LARP4B: variants seen among roughly 807,000 people sequenced by gnomAD.
LARP4B encodes la-related protein 4B.
LARP4B carries 12 observed loss-of-function variants against 89.8 expected under a neutral mutation model. That is an observed-to-expected ratio of 0.13 (90% CI 0.09 to 0.22). The LOEUF (loss-of-function observed/expected upper bound fraction) is 0.22, where lower values mean the gene tolerates loss of function less well. LARP4B is among the 10% of genes least tolerant of loss of function. The pLI is 1.00. For missense variants in LARP4B, 757 were observed against 947.7 expected, an observed-to-expected ratio of 0.80 and a Z score of 2.64; for synonymous variants, 367 against 363.3, an observed-to-expected ratio of 1.01 and a Z score of -0.12.
At chr10:844,847 C>A in intron 6 of LARP4B, 130 bp downstream of exon 6, 1 of 577,718 alleles carries the variant, frequency 1.7e-6, no homozygotes, top group South Asian at 2.9e-5. Context: ...ACTCAATATT[C>A]CACGTCTTCA....
chr10:908,480 C>T (rs988860423), intron 1 of LARP4B, among the ~76,000 whole-genome samples: 1 of 152,194 alleles, frequency 6.6e-6, no homozygotes, highest in Non-Finnish European at 1.5e-5. Flanking sequence ...GGGTAAACAA[C>T]CTGTGGCGTG....
chr10:962,298 CAAAAAAAAAA>C, the LARP4B span, among the ~76,000 whole-genome samples: 10 of 60,636 alleles, frequency 1.6e-4, no homozygotes, highest in Admixed American at 1.9e-3. Flanking sequence ...ACTCCATCTC[CAAAAAAAAAA>C]AAAAAAAAAA....
intron 8 of LARP4B, among the ~76,000 whole-genome samples, chr10:833,340 T>C (rs924141788): frequency 3.6e-5 from 5 of 139,508 alleles, no homozygotes; most frequent in African/African-American, 1.3e-4. Context: ...TACAAAGCCG[T>C]CCTGGGCGGC....
At chr10:851,841 G>T (rs905870049) in intron 5 of LARP4B, among the ~76,000 whole-genome samples, 1 of 152,150 alleles carries the variant, frequency 6.6e-6, no homozygotes, top group African/African-American at 2.4e-5. Context: ...GAGGTGAGCG[G>T]ATCGCTTGAG....
the LARP4B span, among the ~76,000 whole-genome samples, chr10:936,924 C>G: frequency 6.6e-6 from 1 of 152,020 alleles, no homozygotes; most frequent in Non-Finnish European, 1.5e-5. Context: ...AACGCATGAG[C>G]TTTTACAGAT....
In LARP4B at chr10:829,406, G is replaced by C; in HGVS notation, c.1104C>G (p.His368Gln). The change falls in exon 11 of 18, where the codon CAC becomes CAG. Residue 368 changes from histidine to glutamine, a missense_variant. This residue lies in a region of LARP4B where 137 missense variants were observed against 213.9 expected (regional missense o/e 0.64). Coordinates refer to ENST00000316157, the MANE Select transcript of LARP4B (RefSeq NM_015155.3). ...LITPQTWSAT[H>Q]SYLDPPLVTP... ...GTACCAAGGGTGGGTCAAGATAGCTGTGCGTTGCTGACCACGTCTGGGGAG... is the reference window on the plus strand; with the variant it reads ...GTACCAAGGGTGGGTCAAGATAGCTCTGCGTTGCTGACCACGTCTGGGGAG... The C allele has an allele frequency of 3.7e-6, 6 of 1,608,884 alleles. No individual in the cohort carries two copies. Among genetic ancestry groups the C allele is most frequent in the Non-Finnish European group, 5.1e-6 (6 of 1,176,788 alleles).
chr10:935,801 C>G (rs1830743194), upstream of LARP4B, among the ~76,000 whole-genome samples: 1 of 143,260 alleles, frequency 7.0e-6, no homozygotes, highest in South Asian at 2.2e-4. Flanking sequence ...TCACTGCAAC[C>G]TGCGCCTACC....
the LARP4B span, chr10:985,999 C>A: frequency 7.9e-5 from 12 of 152,150 alleles, no homozygotes; most frequent in East Asian, 2.3e-3. Context: ...TGTGGGGATC[C>A]AGGGAAGTGG....
intron 11 of LARP4B, among the ~76,000 whole-genome samples, chr10:827,376 C>A (rs1832688562): frequency 6.6e-6 from 1 of 152,142 alleles, no homozygotes; most frequent in Non-Finnish European, 1.5e-5. Flanking sequence ...TCATTTCCAG[C>A]AAGTCATTTT....
the LARP4B span, among the ~76,000 whole-genome samples, chr10:948,497 C>T: frequency 1.3e-5 from 2 of 152,234 alleles, no homozygotes; most frequent in Non-Finnish European, 2.9e-5. Context: ...ATCCACCCAC[C>T]TGGGCCTCCC....
rs1253883891 is a variant in LARP4B, at chr10:809,594, GAC to G, written c.*3330_*3331del. ...ATAACCTACATTTTTTTTCAAATTAGACAGTTTTACACTGAATGACACAAAAG... is the reference window on the plus strand; with the variant it reads ...ATAACCTACATTTTTTTTCAAATTAGAGTTTTACACTGAATGACACAAAAG... On this transcript the variant is annotated 3_prime_UTR_variant, in exon 18 of 18. Coordinates refer to ENST00000316157, the MANE Select transcript of LARP4B (RefSeq NM_015155.3). The G allele has an allele frequency of 6.6e-6, 1 of 152,352 alleles. No individual in the cohort carries two copies. The highest frequency in any genetic ancestry group is 2.4e-5 in the African/African-American group (1 of 41,382). The allele number at this position is 152,352 out of a possible 1,614,324, so 9.4% of individuals were successfully genotyped here. A position where few individuals can be genotyped will look rare whatever the true frequency, so the allele number is the denominator to read the frequency against.
At chr10:873,397 G>A (rs1835320259) in intron 3 of LARP4B, 23 of 985,146 alleles carry the variant, frequency 2.3e-5, no homozygotes, top group Non-Finnish European at 2.7e-5. Context: ...ACAGCAGCAA[G>A]AATGCTGCGC....
intron 1 of LARP4B, among the ~76,000 whole-genome samples, chr10:911,281 GA>G (rs201612523): frequency 0.011 from 1,719 of 152,200 alleles, 38 homozygotes; most frequent in African/African-American, 0.039. Flanking sequence ...GATAAGATTT[GA>G]AAACATTCTT....
intron 3 of LARP4B, 55 bp downstream of exon 3, chr10:884,390 ATC>A: frequency 8.8e-7 from 1 of 1,135,372 alleles, no homozygotes; most frequent in Non-Finnish European, 1.3e-6. Flanking sequence ...TTAAGGAAGT[ATC>A]TCTGAGCCTT....
At chr10:833,654 G>A (rs1173044389) in intron 8 of LARP4B, among the ~76,000 whole-genome samples, 1 of 152,192 alleles carries the variant, frequency 6.6e-6, no homozygotes, top group African/African-American at 2.4e-5. Context: ...CACTTTGGGA[G>A]GCCGAGGAGG....
chr10:830,832 A>C, intron 9 of LARP4B, 35 bp downstream of exon 9: 1 of 904,308 alleles, frequency 1.1e-6, no homozygotes, highest in Non-Finnish European at 1.8e-6. Flanking sequence ...CTGGTAAACT[A>C]TGCAATTCAT....
rs1411052372 is a variant in LARP4B at position 825,776 on chromosome 10, G to A, written c.1220C>T (p.Pro407Leu). 2 of 1,613,322 alleles carry A rather than the reference G, an allele frequency of 1.2e-6. No homozygotes were observed. The highest frequency in any genetic ancestry group is 1.7e-6 in the Non-Finnish European group (2 of 1,179,410). The change falls in exon 12 of 18, where the codon CCT becomes CTT. Residue 407 changes from proline to leucine, a missense_variant. This residue lies in a region of LARP4B where 137 missense variants were observed against 213.9 expected (regional missense o/e 0.64). Transcript: ENST00000316157. ...ASPLTSLRQY[P>L]PRSRNPSKSH... ...CCCCGGAACTTGCCTGCTTCGAGGAGGATACTGTCTGAGAGAAGTCAGAGG... is the reference window on the plus strand; with the variant it reads ...CCCCGGAACTTGCCTGCTTCGAGGAAGATACTGTCTGAGAGAAGTCAGAGG...
intron 1 of LARP4B, among the ~76,000 whole-genome samples, chr10:902,409 G>A (rs1836368812): frequency 6.6e-6 from 1 of 152,166 alleles, no homozygotes. Flanking sequence ...TTCTTAGGAA[G>A]GGTTTCCACA....
At position 810,004 on chromosome 10, in the gene LARP4B, G is replaced by T. The variant is rs1266383512; in HGVS notation, c.*2922C>A. ...GTCAAGACACTCACTCTCAGAGAAC[G>T]ACGACTCCACTTGAAATTCATGTCT... is the stretch of plus-strand genomic sequence containing the variant. On this transcript the variant is annotated 3_prime_UTR_variant, in exon 18 of 18. Coordinates refer to ENST00000316157, the MANE Select transcript of LARP4B (RefSeq NM_015155.3). 6.6e-6 allele frequency: 1 copy of T among 152,254 alleles called. No individual in the cohort carries two copies. The allele number at this position is 152,254 out of a possible 1,614,324, so 9.4% of individuals were successfully genotyped here.
Sources: gnomAD v4.1 joint callset for allele counts (sites outside exome capture counted in the v4.1 genomes callset) on GRCh38, gnomAD v4.1.1 for gene constraint, gnomAD v4.1.1 regional missense constraint, MANE v1.5 for transcripts, NCBI Gene and HGNC (gene_info 2026-07-23, HGNC 2026-07-21) for gene names.